The following NRG2 variants were observed in gnomAD, a reference collection of about 807,000 sequenced individuals.
NRG2 encodes the protein neuregulin 2.
NRG2 carries 27 observed loss-of-function variants against 73.9 expected under a neutral mutation model. That is an observed-to-expected ratio of 0.37 (90% CI 0.27 to 0.50). NRG2 has a LOEUF of 0.50. Among genes scored for constraint, NRG2 ranks in the 20% least tolerant of loss-of-function variants. The pLI, the probability that NRG2 is intolerant of heterozygous loss-of-function variation, is 0.96. For missense variants in NRG2, 1,126 were observed against 1,210.1 expected (o/e 0.93, Z 1.03); for synonymous variants, 532 against 541.0 (o/e 0.98, Z 0.23).
intron 1 of NRG2, among the ~76,000 whole-genome samples, chr5:140,037,203 G>T (rs1349445787): frequency 6.6e-6 from 1 of 152,168 alleles, no homozygotes; most frequent in African/African-American, 2.4e-5. Flanking sequence ...GTGAAATCAT[G>T]TGATCTCCCA....
intron 1 of NRG2, among the ~76,000 whole-genome samples, chr5:139,981,584 A>G (rs184873397): frequency 1.8e-3 from 270 of 152,320 alleles, no homozygotes; most frequent in Admixed American, 2.9e-3. Context: ...GTTCTATCCC[A>G]GGCACCAAAG....
intron 1 of NRG2, among the ~76,000 whole-genome samples, chr5:140,038,201 G>T (rs919867138): frequency 1.3e-5 from 2 of 152,102 alleles, no homozygotes; most frequent in Admixed American, 1.3e-4. Context: ...TAGTAAAGGG[G>T]AAGCACACTT....
At chr5:139,902,783 AC>A (rs1179391342) in intron 1 of NRG2, among the ~76,000 whole-genome samples, 1 of 152,088 alleles carries the variant, frequency 6.6e-6, no homozygotes, top group African/African-American at 2.4e-5. Flanking sequence ...AAAAAGAGGC[AC>A]CCTGCATTCT....
chr5:139,904,259 G>A lies in NRG2; in HGVS notation c.701-16748C>T, dbSNP rs771069122. ...GCTGGGGGCGGGTGAGCGGGCGGCAGGTTTCTCCCAGGGAAACCGGGTTTC... is the reference window on the plus strand; with the variant it reads ...GCTGGGGGCGGGTGAGCGGGCGGCAAGTTTCTCCCAGGGAAACCGGGTTTC... On this transcript the variant is annotated intron_variant, in intron 1 of 9. Coordinates refer to ENST00000361474, the MANE Select transcript of NRG2 (RefSeq NM_004883.3). The surrounding 1 kb of genome is among the most constrained non-coding windows in gnomAD (Gnocchi z 6.0). 6.4e-7 allele frequency: 1 copy of A among 1,564,398 alleles called. No homozygotes were observed. Among genetic ancestry groups the A allele is most frequent in the African/African-American group, 1.4e-5 (1 of 72,446 alleles).
At chr5:139,943,055 G>A (rs1316887212) in intron 1 of NRG2, among the ~76,000 whole-genome samples, 5 of 152,156 alleles carry the variant, frequency 3.3e-5, no homozygotes, top group Non-Finnish European at 5.9e-5. Flanking sequence ...TGGCCAGGCT[G>A]GTCTTGAGCT....
At chr5:139,859,571 G>A (rs1192281132) in intron 5 of NRG2, among the ~76,000 whole-genome samples, 4 of 152,064 alleles carry the variant, frequency 2.6e-5, no homozygotes, top group Admixed American at 2.0e-4. Context: ...GCCAGCCTGC[G>A]GGTCTGCACT....
chr5:139,956,380 T>C (rs1333242044), intron 1 of NRG2, among the ~76,000 whole-genome samples: 1 of 147,358 alleles, frequency 6.8e-6, no homozygotes, highest in East Asian at 2.2e-4. Context: ...ACTTTTGCAA[T>C]TCCAGGCCCT....
At chr5:139,880,191 TGG>T (rs1326627248) in intron 3 of NRG2, among the ~76,000 whole-genome samples, 1 of 152,136 alleles carries the variant, frequency 6.6e-6, no homozygotes, top group African/African-American at 2.4e-5. Context: ...CAGGTAGTTT[TGG>T]CGGAGAGGCA....
intron 1 of NRG2, among the ~76,000 whole-genome samples, chr5:139,901,229 A>G (rs948690643): frequency 2.0e-5 from 3 of 152,222 alleles, no homozygotes; most frequent in Non-Finnish European, 4.4e-5. Flanking sequence ...AAGACTGATG[A>G]GTCCTGGTCT....
At chr5:139,910,981 T>C (rs531800194) in intron 1 of NRG2, among the ~76,000 whole-genome samples, 4 of 151,938 alleles carry the variant, frequency 2.6e-5, no homozygotes, top group Non-Finnish European at 4.4e-5. Context: ...GAAGAAAGCA[T>C]TGGCCGAAGA....
intron 1 of NRG2, among the ~76,000 whole-genome samples, chr5:139,983,782 TGA>T (rs1413045210): frequency 1.3e-5 from 2 of 152,218 alleles, no homozygotes; most frequent in Admixed American, 6.5e-5. Context: ...TGACTGGAAC[TGA>T]GAGTTTCAAA....
Position 140,042,388 on chromosome 5 carries a change from T to G in NRG2, c.682A>C (p.Ile228Leu). 1.3e-6 allele frequency: 2 copies of G among 1,585,666 alleles called. No individual in the cohort carries two copies. Among genetic ancestry groups the G allele is most frequent in the Non-Finnish European group, 1.7e-6 (2 of 1,164,598 alleles). Residue 228 changes from isoleucine to leucine, a missense_variant, in exon 1 of 10, where the codon ATC becomes CTC. Ile to Leu is a conservative substitution (Grantham distance 5, BLOSUM62 2). Around this residue, in one of 3 missense-constraint regions of NRG2, gnomAD observed 539 missense variants for 703.2 expected, o/e 0.77. Transcript: ENST00000361474. ...GACTCACCGCAGTCAGTGCACAGGATCTTGCCCACCTCTTTCTTGAGATTT... is the reference window on the plus strand; with the variant it reads ...GACTCACCGCAGTCAGTGCACAGGAGCTTGCCCACCTCTTTCTTGAGATTT... ...GKNLKKEVGK[I>L]LCTDCATRPK... is the part of the protein sequence containing the mutation.
At chr5:140,004,914 ACT>A (rs1409725616) in intron 1 of NRG2, among the ~76,000 whole-genome samples, 1 of 152,088 alleles carries the variant, frequency 6.6e-6, no homozygotes. Context: ...TTGTACAGAA[ACT>A]CTCTGTACTA....
In NRG2 at chr5:139,850,437, G is replaced by A. The variant is rs1037370610; in HGVS notation, c.1772+1167C>T. Among the ~76,000 whole-genome samples the A allele has an allele frequency of 3.3e-5, 5 of 152,306 alleles. No homozygotes were observed. The South Asian group carries it at 1.0e-3, about 32-fold the overall frequency. ...TGTTTAGCACCTTCCATAGGCTGCT[G>A]TAAGCTTCCTTGGTTTGTTTCTGTG... On this transcript the variant is annotated intron_variant, in intron 9 of 9. Coordinates refer to ENST00000361474, the MANE Select transcript of NRG2 (RefSeq NM_004883.3).
At chr5:139,859,364 G>A (rs1761997737) in intron 5 of NRG2, among the ~76,000 whole-genome samples, 1 of 152,142 alleles carries the variant, frequency 6.6e-6, no homozygotes, top group South Asian at 2.1e-4. Flanking sequence ...CAGGGACAGA[G>A]ATAAATAGAG....
chr5:140,017,041 G>A (rs1759841155), intron 1 of NRG2, among the ~76,000 whole-genome samples: 1 of 152,174 alleles, frequency 6.6e-6, no homozygotes, highest in Admixed American at 6.5e-5. Context: ...ACTATGTGGA[G>A]AATGAACTCC....
At chr5:139,850,117 A>G (rs796512295) in intron 9 of NRG2, among the ~76,000 whole-genome samples, 1 of 152,018 alleles carries the variant, frequency 6.6e-6, no homozygotes, top group Non-Finnish European at 1.5e-5. Flanking sequence ...TCCCCTTCCT[A>G]CCACCCATTA....
intron 1 of NRG2, among the ~76,000 whole-genome samples, chr5:139,925,210 G>C (rs1368127657): frequency 6.6e-6 from 1 of 152,164 alleles, no homozygotes; most frequent in Admixed American, 6.5e-5. Context: ...CTGACTACCA[G>C]GGTAGAAAAT....
At chr5:139,927,764 C>CAAAAAAAA (rs67854211) in intron 1 of NRG2, among the ~76,000 whole-genome samples, 1 of 82,550 alleles carries the variant, frequency 1.2e-5, no homozygotes, top group African/African-American at 4.2e-5. Flanking sequence ...AACCTTGTCT[C>CAAAAAAAA]AAAAAAAAAA....
Sources: gnomAD v4.1 joint callset for allele counts (sites outside exome capture counted in the v4.1 genomes callset) on GRCh38, gnomAD v4.1.1 for gene constraint, gnomAD v4.1.1 regional missense constraint, Gnocchi (gnomAD v3.1) non-coding constraint, MANE v1.5 for transcripts, NCBI Gene and HGNC (gene_info 2026-07-23, HGNC 2026-07-21) for gene names.